The following SPON2 variants were observed in gnomAD, a reference collection of about 807,000 sequenced individuals.
SPON2 encodes spondin 2.
In SPON2, 32 loss-of-function variants were observed where a neutral mutation model predicts 29.9. The observed-to-expected ratio is 1.07, with a 90% CI of 0.81 to 1.44. SPON2 has a LOEUF of 1.44. Ranked by LOEUF, SPON2 falls within the 40% of genes most tolerant of loss-of-function variation. SPON2 has a pLI of 0.00. For synonymous variants in SPON2, 248 were observed against 209.1 expected, an observed-to-expected ratio of 1.19 and a Z score of -1.61; for missense variants, 541 against 455.5, an observed-to-expected ratio of 1.19 and a Z score of -1.71.
At chr4:1,198,811 A>G (rs554336954), upstream of SPON2, among the ~76,000 whole-genome samples, 94 of 152,340 alleles carry the variant, frequency 6.2e-4, no homozygotes, top group African/African-American at 2.1e-3. Flanking sequence ...AAACTGACCA[A>G]ATTCAGCAAT....
intron 1 of SPON2, among the ~76,000 whole-genome samples, chr4:1,204,202 T>G (rs1728283990): frequency 6.6e-6 from 1 of 152,186 alleles, no homozygotes; most frequent in African/African-American, 2.4e-5. Context: ...TTAACTAGGT[T>G]GTTTATCTTT....
At chr4:1,170,601 G>T (rs1032758060) in intron 4 of SPON2, 25 bp from the exon 5 acceptor site, 4 of 1,596,240 alleles carry the variant, frequency 2.5e-6, no homozygotes, top group South Asian at 1.1e-5. Flanking sequence ...GAGGAGGTTG[G>T]CCTGGGGTCC....
At chr4:1,192,522 T>A (rs1727933495) in intron 1 of SPON2, among the ~76,000 whole-genome samples, 1 of 152,192 alleles carries the variant, frequency 6.6e-6, no homozygotes, top group Non-Finnish European at 1.5e-5. Context: ...GAAGGCTGAG[T>A]GCTCACAGGG....
chr4:1,187,977 G>C (rs1327236030), intron 1 of SPON2, among the ~76,000 whole-genome samples: 3 of 151,910 alleles, frequency 2.0e-5, no homozygotes, highest in Non-Finnish European at 2.9e-5. Flanking sequence ...CAAGGCTAGT[G>C]GATCTCCTGA....
intron 5 of SPON2, chr4:1,167,932 C>T: frequency 2.5e-6 from 1 of 396,844 alleles, no homozygotes. Flanking sequence ...CACATCGTGG[C>T]AGAGTAAGGG....
intron 5 of SPON2, 33 bp from the exon 6 acceptor site, chr4:1,167,689 G>C: frequency 6.5e-7 from 1 of 1,550,146 alleles, no homozygotes; most frequent in Non-Finnish European, 8.7e-7. Context: ...CGAGGTGAAC[G>C]CTCGCGTGAA....
chr4:1,200,125 G>C (rs538879841), upstream of SPON2: 1 of 152,422 alleles, frequency 6.6e-6, no homozygotes, highest in South Asian at 2.1e-4. Flanking sequence ...GCCACATCGC[G>C]TCTGTGTGCC....
chr4:1,182,266 G>A (rs759193909), intron 1 of SPON2, among the ~76,000 whole-genome samples: 5 of 152,104 alleles, frequency 3.3e-5, no homozygotes, highest in Non-Finnish European at 7.4e-5. Flanking sequence ...AGACCTGATT[G>A]ATTATATATC....
chr4:1,172,165 G>T, intron 1 of SPON2, 91 bp from the exon 2 acceptor site: 1 of 1,165,278 alleles, frequency 8.6e-7, no homozygotes, highest in African/African-American at 1.5e-5. Context: ...TTTGGGCTCT[G>T]AGGACGGCCC....
chr4:1,174,797 A>G (rs866583262), upstream of SPON2, among the ~76,000 whole-genome samples: 11 of 152,326 alleles, frequency 7.2e-5, no homozygotes, highest in African/African-American at 2.6e-4. Flanking sequence ...TGGAAGCTGG[A>G]TTCCCATATC....
At chr4:1,178,104 C>T (rs111441033), upstream of SPON2, among the ~76,000 whole-genome samples, 14 of 150,144 alleles carry the variant, frequency 9.3e-5, no homozygotes, top group South Asian at 2.1e-4. Flanking sequence ...CTGCACACAC[C>T]GAGGGCCTCC....
At position 1,194,361 on chromosome 4, in the gene SPON2, A is replaced by G. The variant is rs1727988633; in HGVS notation, c.-239+629T>C. On this transcript the variant is annotated intron_variant, in intron 1 of 3. Transcript: ENST00000502483. ...GGACCACTTCAGAGGCGGTTCAAGG[A>G]GCCGAGCCCCAGGGTGGGAGGCCTG... Among the ~76,000 whole-genome samples the G allele has an allele frequency of 5.3e-5, 8 of 152,262 alleles. No homozygotes were observed. The South Asian group carries it at 1.7e-3, about 32-fold the overall frequency.
chr4:1,188,082 G>A (rs1242047377), intron 1 of SPON2, among the ~76,000 whole-genome samples: 3 of 151,026 alleles, frequency 2.0e-5, no homozygotes, highest in Non-Finnish European at 4.4e-5. Flanking sequence ...GTGGTGGCGG[G>A]TGCCTGTAAT....
intron 5 of SPON2, among the ~76,000 whole-genome samples, chr4:1,169,355 G>A (rs1001328663): frequency 1.3e-5 from 2 of 152,076 alleles, no homozygotes; most frequent in Non-Finnish European, 2.9e-5. Flanking sequence ...AATGAGTGAG[G>A]AGCCCAAGCC....
chr4:1,171,798 C>G, intron 2 of SPON2, 54 bp downstream of exon 2: 5 of 1,262,272 alleles, frequency 4.0e-6, no homozygotes, highest in Non-Finnish European at 5.8e-6. Context: ...GCGGGGGGCT[C>G]CGGCGCCGCA....
In SPON2 at chr4:1,171,379, T is replaced by A. The variant is rs749838094; in HGVS notation, c.328A>T (p.Ile110Phe). 1.4e-5 allele frequency: 23 copies of A among 1,611,936 alleles called. No homozygotes were observed. Among genetic ancestry groups the A allele is most frequent in the Non-Finnish European group, 1.9e-5 (23 of 1,179,698 alleles). Residue 110 changes from isoleucine (I) to phenylalanine (F), a missense_variant, in exon 3 of 6, where the codon ATC (isoleucine) becomes TTC (phenylalanine). Ile to Phe is a conservative substitution (Grantham distance 21). Transcript: ENST00000290902. ...TGCAGCGCCTCCCCCGCCGCCTCGA[T>A]CTCCTTCATCAGCGCCCAGGCCTCG... ...RGEAWALMKE[I>F]EAAGEALQSV...
In SPON2 at chr4:1,171,394, C is replaced by T; in HGVS notation, c.313G>A (p.Ala105Thr). 1 of 1,612,336 alleles carries T rather than the reference C, an allele frequency of 6.2e-7. No homozygotes were observed. Among genetic ancestry groups the T allele is most frequent in the Non-Finnish European group, 8.5e-7 (1 of 1,179,804 alleles). The change falls in exon 3 of 6, where the codon GCG becomes ACG. Residue 105 changes from alanine to threonine, a missense_variant. By Grantham distance (58) the Ala-to-Thr change is moderately conservative (BLOSUM62 0). Coordinates refer to ENST00000290902, the MANE Select transcript of SPON2 (RefSeq NM_012445.4). ...RDFAERGEAW[A>T]LMKEIEAAGE... The stretch of plus-strand genomic sequence containing the variant: ...GCCGCCTCGATCTCCTTCATCAGCG[C>T]CCAGGCCTCGCCGCGCTCCGCAAAG...
chr4:1,175,489 G>A (rs1024792346), upstream of SPON2, among the ~76,000 whole-genome samples: 1 of 152,174 alleles, frequency 6.6e-6, no homozygotes, highest in African/African-American at 2.4e-5. Context: ...GGGGTCTCCA[G>A]CTAGGATGTA....
intron 1 of SPON2, among the ~76,000 whole-genome samples, chr4:1,204,078 G>T (rs1307865875): frequency 6.6e-6 from 1 of 152,122 alleles, no homozygotes; most frequent in Non-Finnish European, 1.5e-5. Flanking sequence ...CACCACGTTG[G>T]CCAGGCTGGT....
Sources: gnomAD v4.1 joint callset for allele counts (sites outside exome capture counted in the v4.1 genomes callset) on GRCh38, gnomAD v4.1.1 for gene constraint, MANE v1.5 for transcripts, NCBI Gene and HGNC (gene_info 2026-07-23, HGNC 2026-07-21) for gene names.